The following MYO15A variants were observed in gnomAD, a reference collection of about 807,000 sequenced individuals.
MYO15A encodes unconventional myosin-XV.
A neutral mutation model predicts 394.6 loss-of-function variants in MYO15A; 308 were observed. The ratio of observed to expected loss-of-function variants is 0.78; its 90% CI spans 0.71 to 0.86. The LOEUF is 0.86. Among genes scored for constraint, MYO15A ranks in the 40% least tolerant of loss-of-function variants. MYO15A has a pLI of 0.00. For missense variants in MYO15A, 4,606 were observed against 4,799.1 expected (o/e 0.96, Z 1.19); for synonymous variants, 1,957 against 2,003.8 (o/e 0.98, Z 0.62).
At chr17:18,124,591 A>C in intron 3 of MYO15A, 26 bp downstream of exon 3, 1 of 1,610,016 alleles carries the variant, frequency 6.2e-7, no homozygotes, top group Non-Finnish European at 8.5e-7. Context: ...CGGCGGGGTC[A>C]GCAAGGGGTC....
At position 18,133,326 on chromosome 17, in the gene MYO15A, C is replaced by T; in HGVS notation, c.4422C>T (p.Ser1474=). 2 of 1,614,182 alleles carry T rather than the reference C, an allele frequency of 1.2e-6. No homozygotes were observed. The highest frequency in any genetic ancestry group is 1.1e-5 in the South Asian group (1 of 91,082). ...GCTTCAGCAGTGAGGACCAGGACAG[C>T]ATCTTCCGCATCCTGGCCTCCATCC... ...VLGFSSEDQD[S]IFRILASILH... is the part of the protein sequence containing the mutation. Residue 1474 remains serine, a synonymous_variant, in exon 12 of 66, where the codon AGC becomes AGT. Coordinates refer to ENST00000647165, the MANE Select transcript of MYO15A (RefSeq NM_016239.4).
intron 48 of MYO15A, 68 bp downstream of exon 48, chr17:18,156,404 C>G: frequency 1.4e-5 from 22 of 1,545,604 alleles, no homozygotes; most frequent in Non-Finnish European, 1.9e-5. Context: ...CTCCCTGTTC[C>G]AGGGAAATAT....
chr17:18,162,716 G>T, intron 58 of MYO15A, 37 bp downstream of exon 58: 1 of 1,603,664 alleles, frequency 6.2e-7, no homozygotes, highest in African/African-American at 1.3e-5. Context: ...AAATGAATGG[G>T]AGGCTGGGCG....
chr17:18,139,011 C>G (rs1597789260), intron 18 of MYO15A, 75 bp downstream of exon 18: 2 of 1,557,296 alleles, frequency 1.3e-6, no homozygotes, highest in Admixed American at 3.8e-5. Flanking sequence ...AAGCACAACA[C>G]TGGCCCCAGA....
chr17:18,163,983 T>G, intron 60 of MYO15A, 145 bp downstream of exon 60: 29 of 790,674 alleles, frequency 3.7e-5, no homozygotes, highest in East Asian at 5.4e-5. Context: ...GAAGGATCTC[T>G]GTGTGTACCA....
chr17:18,150,830 C>T lies in MYO15A; in HGVS notation c.7396-6C>T, dbSNP rs989974551. ...CTGCCTGGTCACCACTGCCACCTCT[C>T]CCCAGGCCCGGGAGATGACCCTGCA... On this transcript the variant is annotated splice_polypyrimidine_tract_variant and splice_region_variant and intron_variant, in intron 37 of 65. Coordinates refer to ENST00000647165, the MANE Select transcript of MYO15A (RefSeq NM_016239.4). The surrounding 1 kb of genome is among the most constrained non-coding windows in gnomAD (Gnocchi z 4.4). 5 of 1,591,782 alleles carry T rather than the reference C, an allele frequency of 3.1e-6. No homozygotes were observed. The highest frequency in any genetic ancestry group is 4.3e-6 in the Non-Finnish European group (5 of 1,168,960).
At chr17:18,175,292 C>CTTTTTTTTTTTTTTTTTTTTTTTTT (rs1182500584) in intron 65 of MYO15A, among the ~76,000 whole-genome samples, 1 of 91,288 alleles carries the variant, frequency 1.1e-5, no homozygotes, top group Non-Finnish European at 2.3e-5. Flanking sequence ...TCTAGACTAT[C>CTTTTTTTTTTTTTTTTTTTTTTTTT]TTTTTTTTTT....
intron 51 of MYO15A, chr17:18,158,272 C>A (rs1204687708): frequency 2.7e-5 from 16 of 590,570 alleles, no homozygotes; most frequent in East Asian, 1.1e-4. Context: ...TGTGACGTGG[C>A]AGTTGCGGAA....
In MYO15A at chr17:18,155,568, AT is replaced by A. The variant is rs2046662305; in HGVS notation, c.8459+140del. 3.6e-6 allele frequency: 3 copies of A among 837,692 alleles called. No homozygotes were observed. In the South Asian group the frequency reaches 4.6e-5, roughly 13 times the overall value. The allele number at this position is 837,692 out of a possible 1,614,324, so 51.9% of individuals were successfully genotyped here. A position where few individuals can be genotyped will look rare whatever the true frequency, so the allele number is the denominator to read the frequency against. The stretch of plus-strand genomic sequence containing the variant: ...TGTGCCAAGCCATTGAAGCAAACCC[AT>A]TTTAGAGCTGGGGAAACTGAGGCTC... On this transcript the variant is annotated intron_variant, in intron 47 of 65. Coordinates refer to ENST00000647165, the MANE Select transcript of MYO15A (RefSeq NM_016239.4).
At chr17:18,156,465 C>A (rs981443871) in intron 48 of MYO15A, 129 bp downstream of exon 48, 1 of 1,098,606 alleles carries the variant, frequency 9.1e-7, no homozygotes, top group South Asian at 1.4e-5. Flanking sequence ...ACTGGCTGTG[C>A]CTTCCACTTG....
Position 18,140,604 on chromosome 17 carries a change from G to A in MYO15A, c.5299G>A (p.Ala1767Thr). 1 of 1,613,790 alleles carries A rather than the reference G, an allele frequency of 6.2e-7. No homozygotes were observed. The highest frequency in any genetic ancestry group is 8.5e-7 in the Non-Finnish European group (1 of 1,180,040). ...CAGCTCCGTCACTCGGCTCTACAAGGCGCACACTGTGGCCGCCAAGTTCCA... is the reference window on the plus strand; with the variant it reads ...CAGCTCCGTCACTCGGCTCTACAAGACGCACACTGTGGCCGCCAAGTTCCA... ...KSSSVTRLYK[A>T]HTVAAKFQQS... Residue 1767 changes from alanine (A) to threonine (T), a missense_variant, in exon 20 of 66, where the codon GCG (alanine) becomes ACG (threonine). Transcript: ENST00000647165.
rs1214196453 is a variant in MYO15A, at chr17:18,150,638, G to A, written c.7328-60G>A. On this transcript the variant is annotated intron_variant, in intron 36 of 65. Transcript: ENST00000647165. The surrounding 1 kb of genome is among the most constrained non-coding windows in gnomAD (Gnocchi z 4.4). ...AGGCAGCCACAGCATGATGGGGGCT[G>A]AGAGGACAGGGAGGAGGGCATCTCC... 5.0e-6 allele frequency: 8 copies of A among 1,603,560 alleles called. No homozygotes were observed. In the East Asian group the frequency reaches 1.6e-4, roughly 32 times the overall value.
At position 18,151,169 on chromosome 17, in the gene MYO15A, C is replaced by T. The variant is rs369717113; in HGVS notation, c.7533C>T (p.Pro2511=). ...TAGGCACCGGTCCCCCTGCCAAACC[C>T]GTGCTCCTGCGTGCCACTCCAAAGC... ...TSVGTGPPAK[P]VLLRATPKPL... Residue 2511 remains proline, a synonymous_variant, in exon 39 of 66, where the codon CCC becomes CCT. Transcript: ENST00000647165. The T allele has an allele frequency of 1.3e-4, 207 of 1,613,918 alleles. No individual in the cohort carries two copies. The highest frequency in any genetic ancestry group is 2.3e-4 in the Admixed American group (14 of 59,996).
rs2142253079 is a variant in MYO15A, at chr17:18,120,995, C to T, written c.2195C>T (p.Pro732Leu). 6.6e-7 allele frequency: 1 copy of T among 1,506,920 alleles called. No homozygotes were observed. The highest frequency in any genetic ancestry group is 1.4e-5 in the African/African-American group (1 of 69,386). The allele number at this position is 1,506,920 out of a possible 1,614,324, so 93.3% of individuals were successfully genotyped here. Residue 732 changes from proline to leucine, a missense_variant, in exon 2 of 66, where the codon CCC becomes CTC. Physicochemically the swap from Pro to Leu is moderately conservative, Grantham distance 98. This residue lies in a region of MYO15A where 1,830 missense variants were observed against 1,689.7 expected (regional missense o/e 1.08). Coordinates refer to ENST00000647165, the MANE Select transcript of MYO15A (RefSeq NM_016239.4). ...CCCCCTGCCGTGAGCCCGGAGGTGC[C>T]CCCCGACCTACTAGCCTTCCCAGGG... Reference protein sequence around the residue: ...VEPPAVSPEVPPDLLAFPGPR... With the variant: ...VEPPAVSPEVLPDLLAFPGPR...
intron 48 of MYO15A, 83 bp from the exon 49 acceptor site, chr17:18,156,871 G>C: frequency 8.4e-7 from 1 of 1,195,118 alleles, no homozygotes; most frequent in East Asian, 2.3e-5. Flanking sequence ...AGTCAGGAAG[G>C]ATGTGAGGAG....
intron 16 of MYO15A, 166 bp from the exon 17 acceptor site, chr17:18,137,949 C>A: frequency 9.8e-7 from 1 of 1,021,044 alleles, no homozygotes; most frequent in Non-Finnish European, 1.4e-6. Flanking sequence ...GCAGCAGGAC[C>A]CTGAGTTGGC....
At chr17:18,176,541 C>CTTTTTTTTTTTTTTTTTTTTT (rs35105114) in intron 65 of MYO15A, 8 of 93,434 alleles carry the variant, frequency 8.6e-5, no homozygotes, top group Non-Finnish European at 1.1e-4. Context: ...TTTTACTTTT[C>CTTTTTTTTTTTTTTTTTTTTT]TTTTTTTTTT....
In MYO15A at chr17:18,119,141, G is replaced by T. The variant is rs536413670; in HGVS notation, c.341G>T (p.Arg114Leu). 6.8e-6 allele frequency: 11 copies of T among 1,611,858 alleles called. No homozygotes were observed. The highest frequency in any genetic ancestry group is 4.0e-5 in the African/African-American group (3 of 75,044). ...PSFMVIRFPG[R>L]RGYGRLRPRA... ...TTCATGGTGATCCGCTTCCCAGGCC[G>T]CCGTGGCTACGGCCGCCTGCGGCCG... The change falls in exon 2 of 66, where the codon CGC becomes CTC. Residue 114 changes from arginine to leucine, a missense_variant. Physicochemically the swap from Arg to Leu is moderately radical, Grantham distance 102 (BLOSUM62 -2). Coordinates refer to ENST00000647165, the MANE Select transcript of MYO15A (RefSeq NM_016239.4).
Position 18,126,420 on chromosome 17 carries a change from A to G in MYO15A, c.3830A>G (p.Gln1277Arg). 1 of 1,613,882 alleles carries G rather than the reference A, an allele frequency of 6.2e-7. No homozygotes were observed. Among genetic ancestry groups the G allele is most frequent in the African/African-American group, 1.3e-5 (1 of 74,942 alleles). Residue 1277 changes from glutamine (Q) to arginine (R), a missense_variant, in exon 5 of 66, where the codon CAG becomes CGG. Gln to Arg is a conservative substitution (Grantham distance 43). Transcript: ENST00000647165. The stretch of plus-strand genomic sequence containing the variant: ...GGAATCTATGGGCCGGAGCAGGTGC[A>G]GCAGTACAACGGACGGGCCCTGGGA... The part of the protein sequence containing the change: ...MFGIYGPEQV[Q>R]QYNGRALGEN...
Sources: gnomAD v4.1 joint callset for allele counts (sites outside exome capture counted in the v4.1 genomes callset) on GRCh38, gnomAD v4.1.1 for gene constraint, gnomAD v4.1.1 regional missense constraint, Gnocchi (gnomAD v3.1) non-coding constraint, MANE v1.5 for transcripts, NCBI Gene and HGNC (gene_info 2026-07-23, HGNC 2026-07-21) for gene names.